AJAP1: variants seen among roughly 807,000 people sequenced by gnomAD.
The protein encoded by AJAP1 is adherens junctions associated protein 1.
In AJAP1, 5 loss-of-function variants were observed where a neutral mutation model predicts 35.0. The observed-to-expected ratio is 0.14, with a 90% CI of 0.07 to 0.30. The LOEUF (loss-of-function observed/expected upper bound fraction) is 0.30, where lower values mean the gene tolerates loss of function less well. AJAP1 is among the 10% of genes least tolerant of loss of function. The pLI, the probability that AJAP1 is intolerant of heterozygous loss-of-function variation, is 1.00. For synonymous variants in AJAP1, 284 were observed against 249.3 expected, an observed-to-expected ratio of 1.14 and a Z score of -1.31; for missense variants, 586 against 571.0, an observed-to-expected ratio of 1.03 and a Z score of -0.27.
intron 2 of AJAP1, among the ~76,000 whole-genome samples, chr1:4,729,455 G>C (rs1640749145): frequency 6.6e-6 from 1 of 152,174 alleles, no homozygotes; most frequent in Non-Finnish European, 1.5e-5. Flanking sequence ...GTGCCTACAG[G>C]GTGACCTCGA....
At chr1:4,719,776 A>G (rs1047066805) in intron 2 of AJAP1, among the ~76,000 whole-genome samples, 6 of 152,222 alleles carry the variant, frequency 3.9e-5, no homozygotes, top group African/African-American at 1.2e-4. Context: ...GTTTTGGAGG[A>G]TCCCCTTCCC....
chr1:4,728,658 C>G (rs1640727144), intron 2 of AJAP1, among the ~76,000 whole-genome samples: 1 of 152,204 alleles, frequency 6.6e-6, no homozygotes, highest in Non-Finnish European at 1.5e-5. Flanking sequence ...GACAGACCCT[C>G]AGGCACAACT....
chr1:4,666,472 G>A (rs12565906), intron 1 of AJAP1, among the ~76,000 whole-genome samples: 95,558 of 128,756 alleles, frequency 0.74, 36,109 homozygotes, highest in African/African-American at 0.77. Context: ...AGACCCTGGG[G>A]AGTGAGGGGT....
chr1:4,703,639 C>T (rs1029395008), intron 1 of AJAP1, among the ~76,000 whole-genome samples: 4 of 152,118 alleles, frequency 2.6e-5, no homozygotes, highest in African/African-American at 4.8e-5. Context: ...ATCTTATCAG[C>T]GAGCGGGAGG....
At chr1:4,769,802 C>G in intron 2 of AJAP1, 51 bp from the exon 3 acceptor site, 1 of 1,523,368 alleles carries the variant, frequency 6.6e-7, no homozygotes, top group South Asian at 1.1e-5. Context: ...CCCCCCTCGC[C>G]TCCTGAACCT....
At chr1:4,672,345 C>T (rs945394597) in intron 1 of AJAP1, among the ~76,000 whole-genome samples, 2 of 152,218 alleles carry the variant, frequency 1.3e-5, no homozygotes, top group Non-Finnish European at 2.9e-5. Flanking sequence ...AATACGGAGA[C>T]ACAGCCAGGT....
rs1016427611 is a variant in AJAP1 at position 4,767,584 on chromosome 1, TCAC to T, written c.830-2263_830-2261del. Reference sequence around the variant, plus strand: ...ACCATCATTATCACCATCATCACCATCACCACCATCACCATTATCATCATCACC... The same window carrying T: ...ACCATCATTATCACCATCATCACCATCACCATCACCATTATCATCATCACC... On this transcript the variant is annotated intron_variant, in intron 2 of 5. Coordinates refer to ENST00000378191, the MANE Select transcript of AJAP1 (RefSeq NM_018836.4). Among the ~76,000 whole-genome samples, 655 of 150,366 alleles carry T rather than the reference TCAC, an allele frequency of 4.4e-3. 2 individuals carry two copies. The highest frequency in any genetic ancestry group is 0.014 in the African/African-American group (588 of 40,760).
At chr1:4,764,084 G>C (rs1641629632) in intron 2 of AJAP1, among the ~76,000 whole-genome samples, 1 of 151,932 alleles carries the variant, frequency 6.6e-6, no homozygotes, top group South Asian at 2.1e-4. Context: ...CAACTTTCCT[G>C]GTTCTCCAGC....
At chr1:4,759,163 C>G (rs1252429295) in intron 2 of AJAP1, among the ~76,000 whole-genome samples, 1 of 152,194 alleles carries the variant, frequency 6.6e-6, no homozygotes, top group Non-Finnish European at 1.5e-5. Flanking sequence ...CCTTGCTCCT[C>G]CTTCTCGTGT....
chr1:4,757,869 G>A (rs560493301), intron 2 of AJAP1, among the ~76,000 whole-genome samples: 1 of 152,242 alleles, frequency 6.6e-6, no homozygotes, highest in East Asian at 1.9e-4. Context: ...TGCTTTTGCT[G>A]TGTCCCCACC....
intron 1 of AJAP1, among the ~76,000 whole-genome samples, chr1:4,659,349 A>G (rs900912239): frequency 2.0e-5 from 3 of 152,124 alleles, no homozygotes; most frequent in Non-Finnish European, 4.4e-5. Context: ...CCTGATGCCA[A>G]TCAGACACAA....
intron 2 of AJAP1, among the ~76,000 whole-genome samples, chr1:4,740,927 G>T (rs1464402472): frequency 6.6e-6 from 1 of 151,962 alleles, no homozygotes; most frequent in African/African-American, 2.4e-5. Flanking sequence ...GGTGTCTTGC[G>T]TCTGGCACCC....
chr1:4,662,540 T>C (rs1020270163), intron 1 of AJAP1, among the ~76,000 whole-genome samples: 4 of 152,226 alleles, frequency 2.6e-5, no homozygotes, highest in Admixed American at 2.6e-4. Context: ...GCCATGAACT[T>C]CGCGTGCACG....
intron 1 of AJAP1, among the ~76,000 whole-genome samples, chr1:4,700,274 G>A (rs1364041505): frequency 6.6e-6 from 1 of 152,156 alleles, no homozygotes; most frequent in Non-Finnish European, 1.5e-5. Context: ...ATCAAACCAG[G>A]TTTGAGGGAG....
chr1:4,764,388 A>C (rs1394704735), intron 2 of AJAP1, among the ~76,000 whole-genome samples: 1 of 152,128 alleles, frequency 6.6e-6, no homozygotes, highest in Non-Finnish European at 1.5e-5. Context: ...GACTCAGACG[A>C]AGCCTAATCC....
intron 2 of AJAP1, among the ~76,000 whole-genome samples, chr1:4,724,342 C>T (rs1640600614): frequency 6.6e-6 from 1 of 152,134 alleles, no homozygotes; most frequent in Non-Finnish European, 1.5e-5. Flanking sequence ...ATACCTAGTC[C>T]CACCTATGGC....
At chr1:4,731,325 C>T (rs1483908783) in intron 2 of AJAP1, among the ~76,000 whole-genome samples, 1 of 152,202 alleles carries the variant, frequency 6.6e-6, no homozygotes, top group Non-Finnish European at 1.5e-5. Flanking sequence ...AGGTGATCCA[C>T]CTGCCTCAGC....
intron 1 of AJAP1, among the ~76,000 whole-genome samples, chr1:4,696,658 C>T (rs1327012867): frequency 6.6e-6 from 1 of 152,256 alleles, no homozygotes; most frequent in Non-Finnish European, 1.5e-5. Flanking sequence ...ACTTGGAAAC[C>T]GCAGCCAGTG....
At chr1:4,660,639 T>G (rs1638981048) in intron 1 of AJAP1, among the ~76,000 whole-genome samples, 2 of 152,088 alleles carry the variant, frequency 1.3e-5, no homozygotes, top group Admixed American at 1.3e-4. Flanking sequence ...CACACGTGTG[T>G]GTATGTGAGT....
Sources: gnomAD v4.1 joint callset for allele counts (sites outside exome capture counted in the v4.1 genomes callset) on GRCh38, gnomAD v4.1.1 for gene constraint, MANE v1.5 for transcripts, NCBI Gene and HGNC (gene_info 2026-07-23, HGNC 2026-07-21) for gene names.